ZNF487: variants seen among roughly 807,000 people sequenced by gnomAD.
ZNF487 encodes the protein KRAB domain only 1.
A neutral mutation model predicts 3.0 loss-of-function variants in ZNF487; 4 were observed. The ratio of observed to expected loss-of-function variants is 1.35; its 90% confidence interval spans 0.66 to 3.08. The LOEUF (loss-of-function observed/expected upper bound fraction) is 3.08. ZNF487 is among the 30% of genes most tolerant of loss of function. The pLI is 0.01. For missense variants in ZNF487, 146 were observed against 98.7 expected, an observed-to-expected ratio of 1.48 and a Z score of -2.03; for synonymous variants, 55 against 34.6, an observed-to-expected ratio of 1.59 and a Z score of -2.06.
At chr10:43,496,302 G>A in the ZNF487 span, among the ~76,000 whole-genome samples, 1 of 152,132 alleles carries the variant, frequency 6.6e-6, no homozygotes, top group South Asian at 2.1e-4. Context: ...TTGGTCACTG[G>A]AAACTTTTTT....
At chr10:43,473,690 A>G (rs779058715) in intron 1 of ZNF487, among the ~76,000 whole-genome samples, 3 of 151,592 alleles carry the variant, frequency 2.0e-5, no homozygotes, top group African/African-American at 4.8e-5. Context: ...CCAGACCCAA[A>G]CATCAACTTA....
intron 1 of ZNF487, among the ~76,000 whole-genome samples, chr10:43,455,412 C>T (rs527437193): frequency 2.6e-5 from 4 of 152,358 alleles, no homozygotes; most frequent in East Asian, 3.9e-4. Flanking sequence ...TACCAACCAC[C>T]ACATCACTCA....
chr10:43,497,936 C>T, the ZNF487 span, among the ~76,000 whole-genome samples: 4,095 of 146,998 alleles, frequency 0.028, 89 homozygotes, highest in South Asian at 0.041. Context: ...CACTGCCCTC[C>T]AGCCTGGGCG....
At chr10:43,501,789 T>TA in the ZNF487 span, among the ~76,000 whole-genome samples, 1 of 8,412 alleles carries the variant, frequency 1.2e-4, no homozygotes, top group East Asian at 0.033. Context: ...TTAACTTTCC[T>TA]TTTTTTTTTC....
At chr10:43,486,190 A>G (rs1841468879), downstream of ZNF487, among the ~76,000 whole-genome samples, 1 of 152,192 alleles carries the variant, frequency 6.6e-6, no homozygotes, top group African/African-American at 2.4e-5. Flanking sequence ...GGTTTAAAAA[A>G]CCAAAATGCA....
intron 1 of ZNF487, among the ~76,000 whole-genome samples, chr10:43,472,769 A>C (rs1564425338): frequency 6.6e-6 from 1 of 152,116 alleles, no homozygotes; most frequent in Non-Finnish European, 1.5e-5. Flanking sequence ...CTTTGTACCA[A>C]ATGTGCCCTT....
At chr10:43,484,346 C>A (rs763075670), downstream of ZNF487, among the ~76,000 whole-genome samples, 13 of 152,008 alleles carry the variant, frequency 8.6e-5, no homozygotes, top group African/African-American at 2.9e-4. Flanking sequence ...GTGGCTCACA[C>A]CTGTAATCCC....
chr10:43,520,776 A>G, the ZNF487 span, among the ~76,000 whole-genome samples: 2 of 152,182 alleles, frequency 1.3e-5, no homozygotes, highest in Non-Finnish European at 2.9e-5. Flanking sequence ...AAGGCCCAGT[A>G]CCCAAGTGGA....
At chr10:43,467,874 A>T (rs1446711596) in intron 1 of ZNF487, among the ~76,000 whole-genome samples, 1 of 152,038 alleles carries the variant, frequency 6.6e-6, no homozygotes, top group Non-Finnish European at 1.5e-5. Context: ...ATGGATAGTG[A>T]TCCCTCTGAT....
At chr10:43,480,640 G>C (rs891966429) in intron 3 of ZNF487, among the ~76,000 whole-genome samples, 1 of 151,072 alleles carries the variant, frequency 6.6e-6, no homozygotes. Flanking sequence ...GGTCTGGAAC[G>C]CTTGACTTCA....
At chr10:43,467,796 A>C (rs1374175516) in intron 1 of ZNF487, among the ~76,000 whole-genome samples, 1 of 151,526 alleles carries the variant, frequency 6.6e-6, no homozygotes, top group Non-Finnish European at 1.5e-5. Context: ...CAGCGTGGGC[A>C]ACAGAATGAG....
chr10:43,476,707 T>C (rs1304013223), intron 3 of ZNF487, among the ~76,000 whole-genome samples: 1 of 152,130 alleles, frequency 6.6e-6, no homozygotes, highest in Non-Finnish European at 1.5e-5. Context: ...CAGTGGAATA[T>C]TCTGGCCAGA....
chr10:43,460,101 C>A (rs111743914), intron 1 of ZNF487, among the ~76,000 whole-genome samples: 7,283 of 151,566 alleles, frequency 0.048, 254 homozygotes, highest in South Asian at 0.12. Context: ...CGTGCCCGGC[C>A]GTTGAATTAT....
intron 1 of ZNF487, among the ~76,000 whole-genome samples, chr10:43,437,913 A>G (rs1355137549): frequency 6.6e-6 from 1 of 151,246 alleles, no homozygotes; most frequent in African/African-American, 2.4e-5. Context: ...CTGGTCTTGA[A>G]CTCCTGGGCT....
chr10:43,484,386 C>G (rs908949351), downstream of ZNF487, among the ~76,000 whole-genome samples: 2 of 151,844 alleles, frequency 1.3e-5, no homozygotes, highest in Non-Finnish European at 1.5e-5. Context: ...GCAGGTGGAT[C>G]ACCTGAGGTC....
the ZNF487 span, among the ~76,000 whole-genome samples, chr10:43,519,508 C>T: frequency 6.7e-6 from 1 of 149,334 alleles, no homozygotes; most frequent in Non-Finnish European, 1.5e-5. Context: ...TGCTCTGTTG[C>T]CCAGGCCAGA....
At chr10:43,453,644 G>C (rs1051646595) in intron 1 of ZNF487, 1 of 152,200 alleles carries the variant, frequency 6.6e-6, no homozygotes, top group Non-Finnish European at 1.5e-5. Flanking sequence ...TGAGTGAGCC[G>C]AATAACAAAC....
At chr10:43,507,815 C>A in the ZNF487 span, among the ~76,000 whole-genome samples, 1 of 152,242 alleles carries the variant, frequency 6.6e-6, no homozygotes, top group African/African-American at 2.4e-5. Context: ...CATTGGGCCC[C>A]TGAACCTTTC....
chr10:43,446,019 C>A (rs975474822), intron 1 of ZNF487, among the ~76,000 whole-genome samples: 4 of 152,202 alleles, frequency 2.6e-5, no homozygotes, highest in African/African-American at 9.6e-5. Flanking sequence ...TTAACAGCAT[C>A]CCAAGGCAGA....
Sources: gnomAD v4.1 joint callset for allele counts (sites outside exome capture counted in the v4.1 genomes callset) on GRCh38, gnomAD v4.1.1 for gene constraint, MANE v1.5 for transcripts, NCBI Gene and HGNC (gene_info 2026-07-23, HGNC 2026-07-21) for gene names.